The following VEZT variants were observed in gnomAD, a reference collection of about 807,000 sequenced individuals.
The protein encoded by VEZT is vezatin.
A neutral mutation model predicts 79.9 loss-of-function variants in VEZT; 39 were observed. The observed-to-expected ratio is 0.49, with a 90% CI of 0.38 to 0.64. The LOEUF is 0.64. Among genes scored for constraint, VEZT ranks in the 30% least tolerant of loss-of-function variants. The pLI, the probability that VEZT is intolerant of heterozygous loss-of-function variation, is 0.00. For missense variants in VEZT, 837 were observed against 893.1 expected (o/e 0.94, Z 0.80); for synonymous variants, 325 against 327.6 (o/e 0.99, Z 0.09).
chr12:95,245,282 G>A (rs771872778), intron 1 of VEZT, among the ~76,000 whole-genome samples: 2 of 152,038 alleles, frequency 1.3e-5, no homozygotes, highest in African/African-American at 2.4e-5. Flanking sequence ...TCAGAGTGTC[G>A]TGAGTTTTGT....
At chr12:95,262,880 C>A in intron 3 of VEZT, 26 bp from the exon 4 acceptor site, 1 of 1,542,046 alleles carries the variant, frequency 6.5e-7, no homozygotes. Flanking sequence ...GTGTTAATAC[C>A]TCTCTTCTGG....
intron 3 of VEZT, among the ~76,000 whole-genome samples, chr12:95,261,386 T>G (rs1457767217): frequency 6.7e-6 from 1 of 148,518 alleles, no homozygotes; most frequent in African/African-American, 2.6e-5. Context: ...TAGTACTAAA[T>G]TTGTTTGTTT....
At chr12:95,219,397 TTATG>T (rs1342098181) in intron 1 of VEZT, among the ~76,000 whole-genome samples, 3 of 152,172 alleles carry the variant, frequency 2.0e-5, no homozygotes, top group Non-Finnish European at 2.9e-5. Flanking sequence ...AAATGTGTGT[TTATG>T]TGTGTGTAAT....
At chr12:95,240,021 AAAGGAAGGAAGGAAGGAAGGAAGG>A (rs372963849) in intron 1 of VEZT, among the ~76,000 whole-genome samples, 7,094 of 81,388 alleles carry the variant, frequency 0.087, 271 homozygotes, top group Middle Eastern at 0.16. Context: ...AGAGAGAAAG[AAAGGAAGGAAGGAAGGAAGGAAGG>A]AAGGAAGGAA....
rs1420620053 is a variant in VEZT at position 95,266,341 on chromosome 12, C to T, written c.435-16C>T. ...CTAATCTGATGCATATCATTTTCTT[C>T]CTTTCTTGTTCCCAGGGATCTCTCA... On this transcript the variant is annotated splice_polypyrimidine_tract_variant and intron_variant, in intron 4 of 11. Transcript: ENST00000436874. The T allele has an allele frequency of 1.3e-6, 2 of 1,595,556 alleles. No homozygotes were observed. The highest frequency in any genetic ancestry group is 2.2e-5 in the East Asian group (1 of 44,448).
intron 1 of VEZT, among the ~76,000 whole-genome samples, chr12:95,235,128 A>G (rs2059858076): frequency 6.6e-6 from 1 of 152,052 alleles, no homozygotes; most frequent in African/African-American, 2.4e-5. Flanking sequence ...TCTATTCCAC[A>G]AAACCGCCAT....
chr12:95,273,134 G>T (rs1476194639), intron 6 of VEZT, among the ~76,000 whole-genome samples: 3 of 152,048 alleles, frequency 2.0e-5, no homozygotes, highest in South Asian at 4.2e-4. Context: ...ATTTTAAAAA[G>T]AAAACACCTG....
At chr12:95,230,341 T>C (rs1222084670) in intron 1 of VEZT, among the ~76,000 whole-genome samples, 1 of 152,166 alleles carries the variant, frequency 6.6e-6, no homozygotes, top group East Asian at 1.9e-4. Context: ...TTGAGGTTTT[T>C]GCTGATTAAG....
chr12:95,296,339 G>A (rs907792451), intron 11 of VEZT, 81 bp downstream of exon 11: 2 of 1,382,406 alleles, frequency 1.4e-6, no homozygotes, highest in Non-Finnish European at 1.9e-6. Context: ...TATTTTAGCT[G>A]AAGAATTCTT....
chr12:95,242,851 T>A (rs1189684219), intron 1 of VEZT, among the ~76,000 whole-genome samples: 1 of 131,822 alleles, frequency 7.6e-6, no homozygotes, highest in Non-Finnish European at 1.5e-5. Flanking sequence ...CCAGCCTGGG[T>A]GACAAGAGCA....
At chr12:95,245,044 C>T (rs538887678) in intron 1 of VEZT, among the ~76,000 whole-genome samples, 20 of 151,916 alleles carry the variant, frequency 1.3e-4, no homozygotes, top group Non-Finnish European at 2.5e-4. Flanking sequence ...ACCAGCCTGG[C>T]CAACATGGTG....
chr12:95,279,634 A>G (rs1254774802), intron 7 of VEZT, among the ~76,000 whole-genome samples: 1 of 152,200 alleles, frequency 6.6e-6, no homozygotes, highest in Admixed American at 6.6e-5. Flanking sequence ...GCTCAGTCAC[A>G]CAGCTGGTGT....
At chr12:95,226,803 G>T (rs544589300) in intron 1 of VEZT, among the ~76,000 whole-genome samples, 2 of 152,150 alleles carry the variant, frequency 1.3e-5, no homozygotes, top group Non-Finnish European at 2.9e-5. Flanking sequence ...CCTAGAATCT[G>T]ATTACCCATT....
intron 1 of VEZT, among the ~76,000 whole-genome samples, chr12:95,250,710 A>G (rs868441220): frequency 6.6e-6 from 1 of 150,708 alleles, no homozygotes; most frequent in African/African-American, 2.4e-5. Context: ...TTCATCCAGT[A>G]GTGACATTGA....
At chr12:95,272,201 AT>A in intron 6 of VEZT, among the ~76,000 whole-genome samples, 1 of 150,634 alleles carries the variant, frequency 6.6e-6, no homozygotes, top group Non-Finnish European at 1.5e-5. Flanking sequence ...AAATGGACAG[AT>A]GGGATTCTTC....
At chr12:95,262,476 C>G in intron 3 of VEZT, 1 of 153,692 alleles carries the variant, frequency 6.5e-6, no homozygotes, top group Non-Finnish European at 1.4e-5. Context: ...TTTTAAATAT[C>G]TGAATATCCA....
At chr12:95,289,846 T>C (rs1185549857) in intron 9 of VEZT, among the ~76,000 whole-genome samples, 8 of 152,232 alleles carry the variant, frequency 5.3e-5, no homozygotes. Context: ...CAATATTCCC[T>C]AGTTGTTGAC....
At chr12:95,258,651 C>T (rs893189201) in intron 3 of VEZT, among the ~76,000 whole-genome samples, 2 of 152,044 alleles carry the variant, frequency 1.3e-5, no homozygotes, top group African/African-American at 4.8e-5. Flanking sequence ...GAACATTTTA[C>T]TAATGTTCAT....
intron 1 of VEZT, among the ~76,000 whole-genome samples, chr12:95,221,788 C>CA (rs2057631330): frequency 6.6e-6 from 1 of 152,004 alleles, no homozygotes; most frequent in Non-Finnish European, 1.5e-5. Context: ...TTTGAGGCTG[C>CA]AGTGAGCTAC....
Sources: gnomAD v4.1 joint callset for allele counts (sites outside exome capture counted in the v4.1 genomes callset) on GRCh38, gnomAD v4.1.1 for gene constraint, MANE v1.5 for transcripts, NCBI Gene and HGNC (gene_info 2026-07-23, HGNC 2026-07-21) for gene names.